Variants in PRKD1 observed in about 807,000 individuals in gnomAD.
PRKD1 encodes the protein serine/threonine-protein kinase D1.
A neutral mutation model predicts 95.9 loss-of-function variants in PRKD1; 63 were observed. The observed-to-expected ratio is 0.66, with a 90% CI of 0.54 to 0.81. The LOEUF (loss-of-function observed/expected upper bound fraction) is 0.81. Ranked by LOEUF, PRKD1 falls within the 30% of genes least tolerant of loss-of-function variation. PRKD1 has a pLI of 0.00. For missense variants in PRKD1, 1,048 were observed against 1,165.3 expected (o/e 0.90, Z 1.47); for synonymous variants, 425 against 423.1 (o/e 1.00, Z -0.05).
intron 1 of PRKD1, among the ~76,000 whole-genome samples, chr14:29,737,953 T>G (rs566289296): frequency 2.4e-4 from 37 of 152,328 alleles, no homozygotes; most frequent in Non-Finnish European, 3.8e-4. Context: ...CAACAAATAC[T>G]TATTGAACTG....
At chr14:29,636,584 T>C (rs1880394982) in intron 6 of PRKD1, 90 bp from the exon 7 acceptor site, 1 of 1,303,622 alleles carries the variant, frequency 7.7e-7, no homozygotes, top group African/African-American at 1.5e-5. Flanking sequence ...ACAAATCAAT[T>C]GGAAGCCCCA....
chr14:29,787,495 A>G (rs974519854), intron 1 of PRKD1, among the ~76,000 whole-genome samples: 1 of 152,078 alleles, frequency 6.6e-6, no homozygotes, highest in African/African-American at 2.4e-5. Context: ...TTTGCTCTAT[A>G]TATCTGGATT....
At position 29,663,725 on chromosome 14, in the gene PRKD1, T is replaced by C. The variant is rs767063420; in HGVS notation, c.670A>G (p.Thr224Ala). ...TIRTSSAELS[T>A]SAPDEPLLQK... The stretch of plus-strand genomic sequence containing the variant: ...AGAAGGGGCTCATCAGGGGCACTTG[T>C]AGAGAGTTCAGCAGATGATGTGCGG... The change falls in exon 4 of 18, where the codon ACA (threonine) becomes GCA (alanine). Residue 224 changes from threonine to alanine, a missense_variant. Thr to Ala is a moderately conservative substitution (Grantham distance 58, BLOSUM62 0). Coordinates refer to ENST00000331968, the MANE Select transcript of PRKD1 (RefSeq NM_002742.3). 6.2e-7 allele frequency: 1 copy of C among 1,613,884 alleles called. No individual in the cohort carries two copies. Among genetic ancestry groups the C allele is most frequent in the South Asian group, 1.1e-5 (1 of 91,066 alleles).
chr14:29,668,527 T>C (rs561281912), intron 2 of PRKD1, among the ~76,000 whole-genome samples: 32 of 152,324 alleles, frequency 2.1e-4, no homozygotes, highest in Admixed American at 9.2e-4. Context: ...GAAAATGACA[T>C]GCTTTTCTTA....
intron 1 of PRKD1, among the ~76,000 whole-genome samples, chr14:29,919,969 A>G (rs1280791595): frequency 4.1e-5 from 6 of 146,150 alleles, no homozygotes; most frequent in Non-Finnish European, 9.1e-5. Context: ...CCTGAGAAAG[A>G]GAGAGAGAGA....
chr14:29,624,314 G>A (rs1263036886), intron 12 of PRKD1, 56 bp from the exon 13 acceptor site: 5 of 1,270,772 alleles, frequency 3.9e-6, no homozygotes, highest in Non-Finnish European at 5.5e-6. Flanking sequence ...CTATCTTAAA[G>A]AACACTAAAA....
At chr14:29,581,833 T>G (rs1336458986) in intron 16 of PRKD1, among the ~76,000 whole-genome samples, 1 of 152,168 alleles carries the variant, frequency 6.6e-6, no homozygotes, top group Non-Finnish European at 1.5e-5. Context: ...TGCTATGTAT[T>G]AATACAATTA....
intron 2 of PRKD1, among the ~76,000 whole-genome samples, chr14:29,720,933 T>C (rs1885862482): frequency 3.3e-5 from 5 of 152,138 alleles, no homozygotes; most frequent in South Asian, 2.1e-4. Flanking sequence ...GGCAAACACA[T>C]TGAACAATGT....
intron 1 of PRKD1, among the ~76,000 whole-genome samples, chr14:29,892,658 C>T (rs983113116): frequency 1.3e-5 from 2 of 152,172 alleles, no homozygotes; most frequent in African/African-American, 4.8e-5. Flanking sequence ...ACACTGGCTT[C>T]AGTGTGCCAA....
intron 1 of PRKD1, among the ~76,000 whole-genome samples, chr14:29,733,077 CTTTTT>C (rs1223856901): frequency 6.7e-6 from 1 of 148,934 alleles, no homozygotes; most frequent in African/African-American, 2.5e-5. Flanking sequence ...ATTTTCTTTT[CTTTTT>C]TTATTTTTTT....
At chr14:29,916,157 T>C (rs1378855979) in intron 1 of PRKD1, among the ~76,000 whole-genome samples, 1 of 152,218 alleles carries the variant, frequency 6.6e-6, no homozygotes, top group African/African-American at 2.4e-5. Flanking sequence ...TTGCCTATCA[T>C]GACCCAAGGC....
intron 11 of PRKD1, among the ~76,000 whole-genome samples, chr14:29,627,384 T>A (rs1879695814): frequency 6.6e-6 from 1 of 152,204 alleles, no homozygotes; most frequent in Admixed American, 6.5e-5. Flanking sequence ...TGCAGAAGGA[T>A]GGCAACCTAT....
chr14:29,627,968 G>C (rs1879736085), intron 11 of PRKD1, among the ~76,000 whole-genome samples: 2 of 152,148 alleles, frequency 1.3e-5, no homozygotes, highest in Non-Finnish European at 2.9e-5. Context: ...AAAATCTTCA[G>C]TGGACAACAG....
intron 2 of PRKD1, among the ~76,000 whole-genome samples, chr14:29,670,321 T>TG (rs1882765164): frequency 6.6e-6 from 1 of 152,078 alleles, no homozygotes; most frequent in Non-Finnish European, 1.5e-5. Flanking sequence ...AATGCAGGGA[T>TG]GGAACAGAAG....
At chr14:29,681,605 C>G (rs1177757724) in intron 2 of PRKD1, among the ~76,000 whole-genome samples, 1 of 152,058 alleles carries the variant, frequency 6.6e-6, no homozygotes, top group Non-Finnish European at 1.5e-5. Flanking sequence ...TTTAAAATGG[C>G]CTATGAGCAG....
intron 1 of PRKD1, among the ~76,000 whole-genome samples, chr14:29,821,607 A>C (rs895696202): frequency 5.3e-5 from 8 of 152,228 alleles, no homozygotes; most frequent in Non-Finnish European, 7.3e-5. Context: ...AAGGAAGCAT[A>C]ATCAGGGACA....
intron 2 of PRKD1, among the ~76,000 whole-genome samples, chr14:29,670,293 T>C (rs1882763603): frequency 6.6e-6 from 1 of 152,110 alleles, no homozygotes; most frequent in Admixed American, 6.5e-5. Context: ...GACAGGCCCA[T>C]GTATATTTAT....
chr14:29,857,101 TCTTATGAACCCTTCAGGACTGTAGTA>T (rs1892534692), intron 1 of PRKD1, among the ~76,000 whole-genome samples: 1 of 152,212 alleles, frequency 6.6e-6, no homozygotes, highest in Non-Finnish European at 1.5e-5. Context: ...CAAATGGTCT[TCTTATGAACCCTTCAGGACTGTAGTA>T]AAGACCAAAT....
intron 1 of PRKD1, among the ~76,000 whole-genome samples, chr14:29,895,318 AAAAC>A (rs997191784): frequency 7.2e-4 from 110 of 152,260 alleles, no homozygotes; most frequent in Admixed American, 3.3e-3. Context: ...CTCCATCTCA[AAAAC>A]AAACAAACAA....
Sources: gnomAD v4.1 joint callset for allele counts (sites outside exome capture counted in the v4.1 genomes callset) on GRCh38, gnomAD v4.1.1 for gene constraint, MANE v1.5 for transcripts, NCBI Gene and HGNC (gene_info 2026-07-23, HGNC 2026-07-21) for gene names.